Variants in SCML4 observed in about 807,000 individuals in gnomAD.
SCML4 encodes Scm polycomb group protein like 4.
Under a neutral mutation model 41.1 loss-of-function variants are expected in SCML4, and 34 were observed. The observed-to-expected ratio is 0.83, with a 90% CI of 0.63 to 1.10. The LOEUF is 1.10. Among genes scored for constraint, SCML4 ranks in the 50% least tolerant of loss-of-function variants. The pLI, the probability that SCML4 is intolerant of heterozygous loss-of-function variation, is 0.00. For missense variants in SCML4, 522 were observed against 534.1 expected, an observed-to-expected ratio of 0.98 and a Z score of 0.22; for synonymous variants, 214 against 220.9, an observed-to-expected ratio of 0.97 and a Z score of 0.28.
intron 5 of SCML4, among the ~76,000 whole-genome samples, chr6:107,725,871 G>C (rs1775907478): frequency 6.6e-6 from 1 of 151,974 alleles, no homozygotes; most frequent in South Asian, 2.1e-4. Context: ...CACATGAGGA[G>C]TTCGAGACCA....
At chr6:107,734,954 C>T (rs1326712549) in intron 5 of SCML4, among the ~76,000 whole-genome samples, 1 of 152,154 alleles carries the variant, frequency 6.6e-6, no homozygotes, top group African/African-American at 2.4e-5. Context: ...CAGCTCACAG[C>T]AACCTCCACC....
At chr6:107,827,050 G>A (rs922623549), upstream of SCML4, among the ~76,000 whole-genome samples, 5 of 150,816 alleles carry the variant, frequency 3.3e-5, no homozygotes, top group African/African-American at 4.9e-5. Context: ...GCGACAGAGC[G>A]AGACTCCGTC....
rs77848207 is a variant in SCML4, at chr6:107,749,232, G to C, written c.286+452C>G. Among the ~76,000 whole-genome samples the C allele has an allele frequency of 5.0e-3, 763 of 152,190 alleles. 11 individuals are homozygous for C. The East Asian group carries it at 0.062, about 12-fold the overall frequency. ...GGATGCCCCACCATAGACAGAGATT[G>C]GGATACCTGCTACCCTGACTGGGTT... On this transcript the variant is annotated intron_variant, in intron 3 of 7. Coordinates refer to ENST00000369020, the MANE Select transcript of SCML4 (RefSeq NM_198081.5).
At chr6:107,721,782 T>C (rs1259892280) in intron 5 of SCML4, among the ~76,000 whole-genome samples, 6 of 152,016 alleles carry the variant, frequency 3.9e-5, no homozygotes, top group African/African-American at 1.4e-4. Flanking sequence ...TTAGTCCTGA[T>C]ACAAACACAT....
chr6:107,723,851 C>T (rs1775680358), intron 5 of SCML4, among the ~76,000 whole-genome samples: 1 of 152,132 alleles, frequency 6.6e-6, no homozygotes, highest in Non-Finnish European at 1.5e-5. Flanking sequence ...CAGACAGACA[C>T]ATCATAAGAA....
At chr6:107,800,773 G>T (rs1783058343) in intron 1 of SCML4, among the ~76,000 whole-genome samples, 4 of 152,164 alleles carry the variant, frequency 2.6e-5, no homozygotes, top group Admixed American at 6.5e-5. Context: ...GAGGGCATTG[G>T]AGACACATTG....
At chr6:107,788,731 T>C (rs958066599) in intron 1 of SCML4, among the ~76,000 whole-genome samples, 2 of 152,010 alleles carry the variant, frequency 1.3e-5, no homozygotes, top group African/African-American at 4.8e-5. Flanking sequence ...GCTAGGGTAC[T>C]GGTGGTGCCT....
chr6:107,811,164 A>G (rs778103635), intron 1 of SCML4, among the ~76,000 whole-genome samples: 13 of 152,202 alleles, frequency 8.5e-5, no homozygotes, highest in Non-Finnish European at 1.6e-4. Flanking sequence ...TTAGACTTCT[A>G]GCTTTCAGAA....
chr6:107,790,292 G>T (rs1022388612), intron 1 of SCML4, among the ~76,000 whole-genome samples: 2 of 152,114 alleles, frequency 1.3e-5, no homozygotes, highest in South Asian at 2.1e-4. Context: ...GACCTCTTGG[G>T]GCTTTGCATA....
At position 107,733,148 on chromosome 6, in the gene SCML4, G is replaced by C. The variant is rs190707740; in HGVS notation, c.682+11801C>G. On this transcript the variant is annotated intron_variant, in intron 5 of 7. Transcript: ENST00000369020. Reference sequence around the variant, plus strand: ...TGAGAGATTCAGAACCAGAAGGCCTGTGGCTGCACCTGGTCCCCTGACCCA... The same window carrying C: ...TGAGAGATTCAGAACCAGAAGGCCTCTGGCTGCACCTGGTCCCCTGACCCA... Among the ~76,000 whole-genome samples the C allele has an allele frequency of 2.2e-3, 339 of 152,322 alleles. 1 individual carries two copies. The highest frequency in any genetic ancestry group is 7.9e-3 in the African/African-American group (328 of 41,560).
chr6:107,801,602 T>C (rs1160472015), intron 1 of SCML4, among the ~76,000 whole-genome samples: 1 of 152,198 alleles, frequency 6.6e-6, no homozygotes, highest in Non-Finnish European at 1.5e-5. Context: ...CCAAATGTCT[T>C]TCACATCCTT....
At chr6:107,834,348 G>T in the SCML4 span, among the ~76,000 whole-genome samples, 702 of 152,294 alleles carry the variant, frequency 4.6e-3, 13 homozygotes, top group African/African-American at 0.016. Context: ...GGGGAGAGGT[G>T]CTATACCGAA....
At chr6:107,733,275 G>A (rs1437497852) in intron 5 of SCML4, among the ~76,000 whole-genome samples, 3 of 152,192 alleles carry the variant, frequency 2.0e-5, no homozygotes, top group South Asian at 2.1e-4. Flanking sequence ...AAAGGAAGCC[G>A]TTTCATTCCT....
intron 1 of SCML4, among the ~76,000 whole-genome samples, chr6:107,812,143 C>T (rs1410819708): frequency 6.6e-6 from 1 of 152,230 alleles, no homozygotes; most frequent in Non-Finnish European, 1.5e-5. Flanking sequence ...GGGAAACTCC[C>T]TCTCCCATGA....
At chr6:107,799,223 C>A (rs888135195) in intron 1 of SCML4, among the ~76,000 whole-genome samples, 1 of 152,150 alleles carries the variant, frequency 6.6e-6, no homozygotes, top group East Asian at 1.9e-4. Context: ...GTTTTTGCTA[C>A]ATGTATTTTG....
chr6:107,742,896 T>C (rs1164201330), intron 5 of SCML4, among the ~76,000 whole-genome samples: 2 of 152,166 alleles, frequency 1.3e-5, no homozygotes, highest in African/African-American at 4.8e-5. Context: ...TCTAATACTG[T>C]AATTGCTGTG....
At chr6:107,786,568 T>C (rs80235851) in intron 1 of SCML4, among the ~76,000 whole-genome samples, 5 of 152,310 alleles carry the variant, frequency 3.3e-5, no homozygotes, top group African/African-American at 1.2e-4. Context: ...CTAATATGCT[T>C]GAGCTCCTTG....
intron 5 of SCML4, among the ~76,000 whole-genome samples, chr6:107,727,473 A>G (rs2114432405): frequency 1.3e-5 from 2 of 152,344 alleles, no homozygotes; most frequent in Middle Eastern, 3.4e-3. Flanking sequence ...AGATGAGGCT[A>G]TGAACATATT....
rs138204137 is a variant in SCML4, at chr6:107,821,031, A to G, written c.-60+3095T>C. Among the ~76,000 whole-genome samples, 510 of 152,308 alleles carry G rather than the reference A, an allele frequency of 3.3e-3. 3 individuals are homozygous for G. Among genetic ancestry groups the G allele is most frequent in the East Asian group, 0.016 (84 of 5,186 alleles). The stretch of plus-strand genomic sequence containing the variant: ...ATCCAGTAGGTTTGCCAAAAGACCA[A>G]TTGTTAAAAATTGGCAGCATTCCAG... On this transcript the variant is annotated intron_variant, in intron 1 of 7. Coordinates refer to ENST00000369020, the MANE Select transcript of SCML4 (RefSeq NM_198081.5).
Sources: gnomAD v4.1 joint callset for allele counts (sites outside exome capture counted in the v4.1 genomes callset) on GRCh38, gnomAD v4.1.1 for gene constraint, MANE v1.5 for transcripts, NCBI Gene and HGNC (gene_info 2026-07-23, HGNC 2026-07-21) for gene names.